Variants in PAQR9 observed in about 807,000 individuals in gnomAD.
The protein encoded by PAQR9 is membrane progestin receptor epsilon.
PAQR9 carries 12 observed loss-of-function variants against 24.0 expected under a neutral mutation model. The observed-to-expected ratio is 0.50, with a 90% CI of 0.32 to 0.81. The LOEUF is 0.81. Among genes scored for constraint, PAQR9 ranks in the 30% least tolerant of loss-of-function variants. The probability of loss-of-function intolerance (pLI) is 0.03; values close to 1 mark genes in which losing one functional copy is unlikely to be tolerated. For missense variants in PAQR9, 418 were observed against 520.8 expected (o/e 0.80, Z 1.92); for synonymous variants, 266 against 237.6 (o/e 1.12, Z -1.10).
downstream of PAQR9, among the ~76,000 whole-genome samples, chr3:142,953,936 G>A (rs1934754657): frequency 6.6e-6 from 1 of 152,154 alleles, no homozygotes; most frequent in East Asian, 1.9e-4. Flanking sequence ...TTATCTGGTG[G>A]CAGAGCCCTG....
downstream of PAQR9, chr3:142,949,988 G>A (rs1264655392): frequency 6.6e-6 from 1 of 152,146 alleles, no homozygotes; most frequent in Admixed American, 6.5e-5. Context: ...GTCTAGCCTA[G>A]TAATGAGCCC....
chr3:142,963,063 T>C lies in PAQR9; in HGVS notation c.274A>G (p.Ile92Val). 4 of 1,614,048 alleles carry C rather than the reference T, an allele frequency of 2.5e-6. No homozygotes were observed. The highest frequency in any genetic ancestry group is 2.5e-6 in the Non-Finnish European group (3 of 1,179,980). ...NETLNFWTHF[I>V]PLLLFLSKFC... The stretch of plus-strand genomic sequence containing the variant: ...TTGCTCAGGAACAGCAGCAGCGGGA[T>C]GAAGTGCGTCCAGAAGTTGAGCGTC... Residue 92 changes from isoleucine (I) to valine (V), a missense_variant, in exon 1 of 1, where the codon ATC becomes GTC. Physicochemically the swap from Ile to Val is conservative, Grantham distance 29. Transcript: ENST00000340634.
At position 142,956,298 on chromosome 3, in the gene PAQR9, G is replaced by A. The variant is rs771155354; in HGVS notation, c.*5905C>T. 5.9e-5 allele frequency among the ~76,000 whole-genome samples: 9 copies of A among 152,126 alleles called. No homozygotes were observed. The highest frequency in any genetic ancestry group is 1.2e-4 in the Non-Finnish European group (8 of 68,020). On this transcript the variant is annotated 3_prime_UTR_variant, in exon 1 of 1. Transcript: ENST00000340634. ...GGCCATCTTTACAGCACGGCCAAAT[G>A]ACCACCTGAAGACCCCCCATTCTGC...
rs1296672549 is a variant in PAQR9, at chr3:142,958,348, C to T, written c.*3855G>A. The stretch of plus-strand genomic sequence containing the variant: ...TGTGTGCTTGGCCAGGCATCATAGC[C>T]ATGCAAACTAGTAAACACAGTTGAG... On this transcript the variant is annotated 3_prime_UTR_variant, in exon 1 of 1. Coordinates refer to ENST00000340634, the MANE Select transcript of PAQR9 (RefSeq NM_198504.4). Among the ~76,000 whole-genome samples the T allele has an allele frequency of 6.6e-6, 1 of 152,174 alleles. No homozygotes were observed. Among genetic ancestry groups the T allele is most frequent in the African/African-American group, 2.4e-5 (1 of 41,420 alleles).
In PAQR9 at chr3:142,955,566, A is replaced by G. The variant is rs1934779935; in HGVS notation, c.*6637T>C. ...TGGCATGGGGCTTATTCTTCTTTCT[A>G]TTCTGAAGAAACAAGGGACAGAGTT... On this transcript the variant is annotated 3_prime_UTR_variant, in exon 1 of 1. Transcript: ENST00000340634. Among the ~76,000 whole-genome samples the G allele has an allele frequency of 7.0e-6, 1 of 142,876 alleles. No homozygotes were observed. Among genetic ancestry groups the G allele is most frequent in the African/African-American group, 2.6e-5 (1 of 38,990 alleles). 93.7% of individuals were successfully genotyped at this position (142,876 alleles called of 152,430 possible).
At position 142,955,149 on chromosome 3, in the gene PAQR9, A is replaced by G. The variant is rs1007313717; in HGVS notation, c.*7054T>C. On this transcript the variant is annotated 3_prime_UTR_variant, in exon 1 of 1. Coordinates refer to ENST00000340634, the MANE Select transcript of PAQR9 (RefSeq NM_198504.4). The stretch of plus-strand genomic sequence containing the variant: ...TCTTCCCTCTGCCTCTGACCTGAGG[A>G]AAAAATGAGTATGCCCCTTCAAGTA... Among the ~76,000 whole-genome samples, 22 of 152,134 alleles carry G rather than the reference A, an allele frequency of 1.4e-4. No homozygotes were observed. The highest frequency in any genetic ancestry group is 2.9e-5 in the Non-Finnish European group (2 of 68,020).
At position 142,962,793 on chromosome 3, in the gene PAQR9, A is replaced by C. The variant is rs756994607; in HGVS notation, c.544T>G (p.Leu182Val). The C allele has an allele frequency of 6.2e-7, 1 of 1,612,598 alleles. No individual in the cohort carries two copies. The highest frequency in any genetic ancestry group is 1.7e-5 in the Admixed American group (1 of 59,940). Residue 182 changes from leucine to valine, a missense_variant, in exon 1 of 1, where the codon TTG becomes GTG. By Grantham distance (32) the Leu-to-Val change is conservative (BLOSUM62 1). Coordinates refer to ENST00000340634, the MANE Select transcript of PAQR9 (RefSeq NM_198504.4). ...GGAGTCATGACTCTGGCATCCAGCA[A>C]GCTGAGGCCTGGCAACAGGTAGTAG... Reference protein sequence around the residue: ...YYYYLLPGLSLLDARVMTPYL... With the variant: ...YYYYLLPGLSVLDARVMTPYL...
chr3:142,951,835 A>G (rs532995989), downstream of PAQR9: 60 of 452,660 alleles, frequency 1.3e-4, no homozygotes, highest in Middle Eastern at 9.9e-4. Flanking sequence ...AAAGTCACAC[A>G]GGCCAAAGGA....
rs1309244699 is a variant in PAQR9, at chr3:142,960,337, C to T, written c.*1866G>A. On this transcript the variant is annotated 3_prime_UTR_variant, in exon 1 of 1. Coordinates refer to ENST00000340634, the MANE Select transcript of PAQR9 (RefSeq NM_198504.4). ...TACCAGTGCTGAGGTAAGTGTTCAT[C>T]TACCTCATATGCATGATCTAAGTTA... The T allele has an allele frequency of 6.6e-6, 1 of 152,216 alleles. No individual in the cohort carries two copies. The highest frequency in any genetic ancestry group is 1.5e-5 in the Non-Finnish European group (1 of 68,042). The allele number at this position is 152,216 out of a possible 1,614,324, so 9.4% of individuals were successfully genotyped here.
chr3:142,955,030 T>C lies in PAQR9; in HGVS notation c.*7173A>G, dbSNP rs1214193743. Among the ~76,000 whole-genome samples, 1 of 152,106 alleles carries C rather than the reference T, an allele frequency of 6.6e-6. No individual in the cohort carries two copies. The highest frequency in any genetic ancestry group is 1.5e-5 in the Non-Finnish European group (1 of 68,026). On this transcript the variant is annotated 3_prime_UTR_variant, in exon 1 of 1. Transcript: ENST00000340634. ...AAATTTCTTTGTGCGCGCATCATTTTTACTCCCTTCTTTCTCCGTCATCAC... is the reference window on the plus strand; with the variant it reads ...AAATTTCTTTGTGCGCGCATCATTTCTACTCCCTTCTTTCTCCGTCATCAC...
At chr3:142,949,323 G>A (rs1934684942) in exon 3 of PAQR9, 1 of 152,216 alleles carries the variant, frequency 6.6e-6, no homozygotes, top group South Asian at 2.1e-4. Context: ...CAGTGAGGTA[G>A]GGATGAACTA....
rs1402930637 is a variant in PAQR9 at position 142,963,449 on chromosome 3, C to G, written c.-113G>C. The G allele has an allele frequency of 1.0e-4, 106 of 1,046,652 alleles. No homozygotes were observed. The highest frequency in any genetic ancestry group is 1.1e-4 in the Non-Finnish European group (100 of 872,418). The allele number at this position is 1,046,652 out of a possible 1,614,324, so 64.8% of individuals were successfully genotyped here. ...GCCTTTGTGCCCACGCCGGGGGCGTCGCTGCAGGTTTAGGAGAAGACCCGT... is the reference window on the plus strand; with the variant it reads ...GCCTTTGTGCCCACGCCGGGGGCGTGGCTGCAGGTTTAGGAGAAGACCCGT... On this transcript the variant is annotated 5_prime_UTR_variant, in exon 1 of 1. Transcript: ENST00000340634.
In PAQR9 at chr3:142,963,178, G is replaced by A. The variant is rs775732952; in HGVS notation, c.159C>T (p.Asp53=). 1 of 1,592,016 alleles carries A rather than the reference G, an allele frequency of 6.3e-7. No individual in the cohort carries two copies. Residue 53 remains aspartate, a synonymous_variant, in exon 1 of 1, where the codon GAC becomes GAT. Coordinates refer to ENST00000340634, the MANE Select transcript of PAQR9 (RefSeq NM_198504.4). The stretch of plus-strand genomic sequence containing the variant: ...CCGACAGGATGAAGCACTCCACGAA[G>A]TCGTCGGGCACCTCGTCCCAGCGCA... ...PLLRWDEVPD[D]FVECFILSGY...
chr3:142,962,168 A>G lies in PAQR9; in HGVS notation c.*35T>C, dbSNP rs1330951563. The G allele has an allele frequency of 3.2e-6, 5 of 1,585,658 alleles. No homozygotes were observed. Among genetic ancestry groups the G allele is most frequent in the Non-Finnish European group, 4.3e-6 (5 of 1,162,234 alleles). The stretch of plus-strand genomic sequence containing the variant: ...TAGCAACAACAGAAACTCCAAACAG[A>G]TGGGCGAACCAGTAGTCTCCTCCAA... On this transcript the variant is annotated 3_prime_UTR_variant, in exon 1 of 1. Coordinates refer to ENST00000340634, the MANE Select transcript of PAQR9 (RefSeq NM_198504.4).
downstream of PAQR9, among the ~76,000 whole-genome samples, chr3:142,951,126 A>C (rs1934704926): frequency 6.6e-6 from 1 of 152,066 alleles, no homozygotes; most frequent in South Asian, 2.1e-4. Context: ...TATGTTGCCC[A>C]GGCTGGTGTC....
chr3:142,953,828 C>A (rs1313026535), downstream of PAQR9, among the ~76,000 whole-genome samples: 4 of 152,172 alleles, frequency 2.6e-5, no homozygotes, highest in South Asian at 8.3e-4. Flanking sequence ...GTAGGCCAAT[C>A]TGATACTCTT....
At chr3:142,949,687 A>G (rs1218358056), downstream of PAQR9, 1 of 152,198 alleles carries the variant, frequency 6.6e-6, no homozygotes, top group Non-Finnish European at 1.5e-5. Context: ...TCAGAAACTG[A>G]TAGTGGACTT....
chr3:142,963,398 G>A lies in PAQR9; in HGVS notation c.-62C>T. 1 of 1,098,262 alleles carries A rather than the reference G, an allele frequency of 9.1e-7. No individual in the cohort carries two copies. The highest frequency in any genetic ancestry group is 1.1e-6 in the Non-Finnish European group (1 of 904,808). The allele number at this position is 1,098,262 out of a possible 1,614,324, so 68.0% of individuals were successfully genotyped here. ...CTCTGGCGCCGGCTCCCGGGCGCTG[G>A]GCAGCCCCCGCCGGCCGCCGTCGGA... On this transcript the variant is annotated 5_prime_UTR_variant, in exon 1 of 1. Transcript: ENST00000340634.
In PAQR9 at chr3:142,954,617, C is replaced by T. The variant is rs1934764533; in HGVS notation, c.*7586G>A. 1.3e-5 allele frequency among the ~76,000 whole-genome samples: 2 copies of T among 152,146 alleles called. No homozygotes were observed. Among genetic ancestry groups the T allele is most frequent in the Non-Finnish European group, 1.5e-5 (1 of 68,018 alleles). On this transcript the variant is annotated 3_prime_UTR_variant, in exon 1 of 1. Transcript: ENST00000340634. Reference sequence around the variant, plus strand: ...ACAAATAATTTATTCTTATTTCATACATTTGTTTTTCAGCAAAAATGCATA... The same window carrying T: ...ACAAATAATTTATTCTTATTTCATATATTTGTTTTTCAGCAAAAATGCATA...
Sources: allele counts gnomAD v4.1 joint callset (sites outside exome capture counted in the v4.1 genomes callset), GRCh38; gene constraint gnomAD v4.1.1; transcripts MANE v1.5; gene names NCBI Gene and HGNC (gene_info 2026-07-23, HGNC 2026-07-21).